ZNF536: variants seen among roughly 807,000 people sequenced by gnomAD.
ZNF536 encodes zinc finger protein 536.
A neutral mutation model predicts 84.5 loss-of-function variants in ZNF536; 13 were observed. That is an observed-to-expected ratio of 0.15 (90% CI 0.10 to 0.24). The LOEUF (loss-of-function observed/expected upper bound fraction) is 0.24. ZNF536 is among the 10% of genes least tolerant of loss of function. The probability of loss-of-function intolerance (pLI) is 1.00; values close to 1 mark genes in which losing one functional copy is unlikely to be tolerated. For missense variants in ZNF536, 1,536 were observed against 1,747.5 expected, an observed-to-expected ratio of 0.88 and a Z score of 2.16; for synonymous variants, 811 against 742.5, an observed-to-expected ratio of 1.09 and a Z score of -1.50.
At chr19:30,297,911 CCCT>C (rs2046057228) in intron 2 of ZNF536, among the ~76,000 whole-genome samples, 1 of 145,354 alleles carries the variant, frequency 6.9e-6, no homozygotes, top group African/African-American at 2.7e-5. Context: ...AGTCCCCCCC[CCCT>C]CTGTCGCCCA....
In ZNF536 at chr19:30,445,127, A is replaced by G. The variant is rs1388399223; in HGVS notation, c.1565A>G (p.Gln522Arg). 6 of 1,613,968 alleles carry G rather than the reference A, an allele frequency of 3.7e-6. No individual in the cohort carries two copies. In the East Asian group the frequency reaches 1.3e-4, roughly 36 times the overall value. ...GAGATGGACCCCGTGAACAGCTACC[A>G]GGCTTGGCAGCTCATGGCCAGGGGC... The part of the protein sequence containing the change: ...AAEMDPVNSY[Q>R]AWQLMARGMA... The change falls in exon 2 of 5, where the codon CAG becomes CGG. Residue 522 changes from glutamine (Q) to arginine (R), a missense_variant. Transcript: ENST00000355537. The surrounding 1 kb of genome is among the most constrained non-coding windows in gnomAD (Gnocchi z 4.5).
intron 2 of ZNF536, among the ~76,000 whole-genome samples, chr19:30,467,777 G>A (rs144487542): frequency 3.3e-4 from 50 of 152,330 alleles, no homozygotes; most frequent in Admixed American, 9.1e-4. Flanking sequence ...GGGTTTTGGC[G>A]TCAGGAATGG....
intron 1 of ZNF536, among the ~76,000 whole-genome samples, chr19:30,653,118 A>G (rs1250179628): frequency 1.3e-5 from 2 of 152,326 alleles, no homozygotes; most frequent in Non-Finnish European, 2.9e-5. Flanking sequence ...GGGTTTCACC[A>G]TGCTTGACTC....
intron 1 of ZNF536, among the ~76,000 whole-genome samples, chr19:30,272,276 TA>T (rs879835953): frequency 1.3e-5 from 2 of 152,186 alleles, no homozygotes; most frequent in Non-Finnish European, 2.9e-5. Context: ...AAATATCCAA[TA>T]AAATTGAGCA....
intron 1 of ZNF536, among the ~76,000 whole-genome samples, chr19:30,651,745 T>C (rs547228332): frequency 6.6e-6 from 1 of 152,300 alleles, no homozygotes; most frequent in South Asian, 2.1e-4. Flanking sequence ...AGTACAGCAT[T>C]TTAAACCCAC....
intron 1 of ZNF536, among the ~76,000 whole-genome samples, chr19:30,668,230 A>C (rs951226147): frequency 6.6e-6 from 1 of 151,248 alleles, no homozygotes; most frequent in African/African-American, 2.4e-5. Flanking sequence ...TGCCCTGGAG[A>C]CTCTACACCA....
chr19:30,299,726 C>G (rs1372970029), intron 2 of ZNF536, among the ~76,000 whole-genome samples: 1 of 152,058 alleles, frequency 6.6e-6, no homozygotes, highest in Non-Finnish European at 1.5e-5. Context: ...TAAGATAATG[C>G]ATTAATTTTT....
At chr19:30,320,657 G>C (rs2046823853) in intron 2 of ZNF536, among the ~76,000 whole-genome samples, 2 of 152,154 alleles carry the variant, frequency 1.3e-5, no homozygotes, top group Admixed American at 6.5e-5. Context: ...AGATGGAACG[G>C]TGTGGAGCGT....
intron 2 of ZNF536, among the ~76,000 whole-genome samples, chr19:30,349,677 A>G (rs2047868759): frequency 6.7e-6 from 1 of 150,270 alleles, no homozygotes; most frequent in African/African-American, 2.5e-5. Context: ...TATCCACCTC[A>G]GCCCTCGACC....
chr19:30,260,309 T>C (rs548874038), intron 1 of ZNF536, among the ~76,000 whole-genome samples: 1 of 152,316 alleles, frequency 6.6e-6, no homozygotes, highest in South Asian at 2.1e-4. Context: ...CATGTTCAGG[T>C]TGGGGAACAT....
chr19:30,440,626 A>G (rs1358781955), intron 1 of ZNF536, among the ~76,000 whole-genome samples: 2 of 152,150 alleles, frequency 1.3e-5, no homozygotes, highest in Non-Finnish European at 2.9e-5. Context: ...TGTTGCCCCC[A>G]TGGCAAATGC....
chr19:30,341,704 C>A (rs576441938), intron 2 of ZNF536, among the ~76,000 whole-genome samples: 2 of 152,004 alleles, frequency 1.3e-5, no homozygotes, highest in South Asian at 2.1e-4. Context: ...GGATTTGGAA[C>A]TCTTTTTTTT....
At chr19:30,238,823 T>TA (rs11383447) in intron 1 of ZNF536, among the ~76,000 whole-genome samples, 35,224 of 145,432 alleles carry the variant, frequency 0.24, 4,143 homozygotes, top group Middle Eastern at 0.31. Context: ...TGTTCCAAAT[T>TA]AAAAAAAAAA....
In ZNF536 at chr19:30,557,941, T is replaced by C. The variant is rs2046021623; in HGVS notation, c.*777T>C. ...ATAAGTGTCAAACTATATCTTTAAG[T>C]GTGCTGTATGCTGAGTTACAAGTTA... On this transcript the variant is annotated 3_prime_UTR_variant, in exon 5 of 5. Coordinates refer to ENST00000355537, the MANE Select transcript of ZNF536 (RefSeq NM_014717.3). 6.6e-6 allele frequency: 1 copy of C among 152,612 alleles called. No individual in the cohort carries two copies. Among genetic ancestry groups the C allele is most frequent in the Admixed American group, 6.5e-5 (1 of 15,278 alleles). The allele number at this position is 152,612 out of a possible 1,614,324, so 9.5% of individuals were successfully genotyped here. A position where few individuals can be genotyped will look rare whatever the true frequency, so the allele number is the denominator to read the frequency against.
intron 3 of ZNF536, among the ~76,000 whole-genome samples, chr19:30,543,849 G>A (rs2045435463): frequency 6.6e-6 from 1 of 152,118 alleles, no homozygotes; most frequent in African/African-American, 2.4e-5. Flanking sequence ...GATGTTTCCA[G>A]TGGAGCACAA....
chr19:30,509,421 T>C (rs781731135), intron 2 of ZNF536, among the ~76,000 whole-genome samples: 1 of 138,816 alleles, frequency 7.2e-6, no homozygotes, highest in Non-Finnish European at 1.6e-5. Context: ...TATAACATAT[T>C]ATAATATATA....
intron 1 of ZNF536, chr19:30,668,666 C>T (rs910740023): frequency 2.0e-5 from 3 of 152,286 alleles, no homozygotes; most frequent in Admixed American, 6.5e-5. Flanking sequence ...CCTGGGGGCT[C>T]GGTGTAGGTC....
At chr19:30,516,124 CCA>C (rs1448565051) in intron 2 of ZNF536, among the ~76,000 whole-genome samples, 2 of 152,006 alleles carry the variant, frequency 1.3e-5, no homozygotes, top group Non-Finnish European at 2.9e-5. Flanking sequence ...AGAGATTTAT[CCA>C]CAGAGAGACA....
intron 1 of ZNF536, among the ~76,000 whole-genome samples, chr19:30,374,185 AAG>A (rs2048718580): frequency 6.6e-6 from 1 of 152,290 alleles, no homozygotes; most frequent in Admixed American, 6.5e-5. Context: ...TGTATAAAGA[AAG>A]AGTTTTTTTT....
Sources: gnomAD v4.1 joint callset for allele counts (sites outside exome capture counted in the v4.1 genomes callset) on GRCh38, gnomAD v4.1.1 for gene constraint, Gnocchi (gnomAD v3.1) non-coding constraint, MANE v1.5 for transcripts, NCBI Gene and HGNC (gene_info 2026-07-23, HGNC 2026-07-21) for gene names.